ZNF483: variants seen among roughly 807,000 people sequenced by gnomAD.
ZNF483 encodes the protein zinc finger protein 483, also known as zinc finger protein HIT-10.
ZNF483 carries 9 observed loss-of-function variants against 28.6 expected under a neutral mutation model. The ratio of observed to expected loss-of-function variants is 0.32; its 90% CI spans 0.19 to 0.55. The LOEUF is 0.55. Among genes scored for constraint, ZNF483 ranks in the 20% least tolerant of loss-of-function variants. ZNF483 has a pLI of 0.93. For synonymous variants in ZNF483, 322 were observed against 306.2 expected, an observed-to-expected ratio of 1.05 and a Z score of -0.54; for missense variants, 675 against 871.7, an observed-to-expected ratio of 0.77 and a Z score of 2.84.
In ZNF483 at chr9:111,541,879, C is replaced by T. The variant is rs748174222; in HGVS notation, c.944C>T (p.Ser315Leu). The T allele has an allele frequency of 2.5e-6, 4 of 1,613,800 alleles. No individual in the cohort carries two copies. The Admixed American group carries it at 6.7e-5, about 27-fold the overall frequency. ...SPFGHNFKET[S>L]DLIKHLRVYL... ...TTTGGACATAATTTCAAAGAAACTT[C>T]AGACTTAATTAAACATCTGAGAGTC... is the stretch of plus-strand genomic sequence containing the variant. Residue 315 changes from serine (S) to leucine (L), a missense_variant, in exon 6 of 6, where the codon TCA becomes TTA. By Grantham distance (145) the Ser-to-Leu change is moderately radical. This residue lies in a region of ZNF483 where 525 missense variants were observed against 581.8 expected (regional missense o/e 0.90). Transcript: ENST00000309235.
In ZNF483 at chr9:111,541,930, A is replaced by T. The variant is rs1374013096; in HGVS notation, c.995A>T (p.Tyr332Phe). 2.5e-6 allele frequency: 4 copies of T among 1,614,058 alleles called. No homozygotes were observed. Among genetic ancestry groups the T allele is most frequent in the Non-Finnish European group, 3.4e-6 (4 of 1,180,042 alleles). Residue 332 changes from tyrosine (Y) to phenylalanine (F), a missense_variant, in exon 6 of 6, where the codon TAT (tyrosine) becomes TTT (phenylalanine). Coordinates refer to ENST00000309235, the MANE Select transcript of ZNF483 (RefSeq NM_133464.5). ...TACTTGAGGAAGAAATCTCGGAGGT[A>T]TAATGAAAGCAAGAAACCCTTCAGT... ...RVYLRKKSRR[Y>F]NESKKPFSFH...
At chr9:111,562,115 A>C (rs533293613) in intron 5 of ZNF483, among the ~76,000 whole-genome samples, 1 of 151,974 alleles carries the variant, frequency 6.6e-6, no homozygotes, top group East Asian at 1.9e-4. Flanking sequence ...TGAACTCCTG[A>C]CCTCGCCTCC....
chr9:111,525,905 G>A (rs1589263877), intron 1 of ZNF483, among the ~76,000 whole-genome samples: 1 of 152,154 alleles, frequency 6.6e-6, no homozygotes, highest in African/African-American at 2.4e-5. Flanking sequence ...TGCAATGCGA[G>A]GCTGTCACAT....
rs550842995 is a variant in ZNF483, at chr9:111,549,673, T to C, written c.*6503T>C. The C allele has an allele frequency of 8.7e-6, 13 of 1,502,110 alleles. No individual in the cohort carries two copies. The South Asian group carries it at 1.4e-4, about 16-fold the overall frequency. 93.0% of individuals were successfully genotyped at this position (1,502,110 alleles called of 1,614,324 possible). On this transcript the variant is annotated 3_prime_UTR_variant, in exon 6 of 6. Coordinates refer to ENST00000309235, the MANE Select transcript of ZNF483 (RefSeq NM_133464.5). Reference sequence around the variant, plus strand: ...TGGCAGCGGCAGCAGGGTTCCCCATTGATTTTCTAAATGTTTGTAGTCCTT... The same window carrying C: ...TGGCAGCGGCAGCAGGGTTCCCCATCGATTTTCTAAATGTTTGTAGTCCTT...
At chr9:111,535,797 G>A (rs1323527090) in intron 5 of ZNF483, among the ~76,000 whole-genome samples, 3 of 151,904 alleles carry the variant, frequency 2.0e-5, no homozygotes, top group Non-Finnish European at 2.9e-5. Flanking sequence ...TTCCTACCTC[G>A]GCTTCCCGAA....
rs375221784 is a variant in ZNF483 at position 111,532,024 on chromosome 9, C to G, written c.501+1061C>G. ...AAATCTTAACATGATAAAGAACATC[C>G]TTGGCTGGGTACAGTGGATCATGCC... is the stretch of plus-strand genomic sequence containing the variant. On this transcript the variant is annotated intron_variant, in intron 3 of 5. Coordinates refer to ENST00000309235, the MANE Select transcript of ZNF483 (RefSeq NM_133464.5). 4.1e-3 allele frequency among the ~76,000 whole-genome samples: 629 copies of G among 152,276 alleles called. 4 individuals are homozygous for G. The highest frequency in any genetic ancestry group is 3.9e-3 in the South Asian group (19 of 4,824).
chr9:111,549,891 A>G lies in ZNF483; in HGVS notation c.*6721A>G. The stretch of plus-strand genomic sequence containing the variant: ...AGTGAGTCAATGTTTGGTCTTCCTC[A>G]TGTCCATTTTTTGTTGGTTTATTTT... On this transcript the variant is annotated 3_prime_UTR_variant, in exon 6 of 6. Coordinates refer to ENST00000309235, the MANE Select transcript of ZNF483 (RefSeq NM_133464.5). 1.3e-6 allele frequency: 1 copy of G among 774,420 alleles called. No individual in the cohort carries two copies. The allele number at this position is 774,420 out of a possible 1,614,324, so 48.0% of individuals were successfully genotyped here. A position where few individuals can be genotyped will look rare whatever the true frequency, so the allele number is the denominator to read the frequency against.
chr9:111,551,714 T>C lies in ZNF483; in HGVS notation c.*8544T>C, dbSNP rs960441554. Among the ~76,000 whole-genome samples, 1 of 152,198 alleles carries C rather than the reference T, an allele frequency of 6.6e-6. No individual in the cohort carries two copies. The highest frequency in any genetic ancestry group is 2.4e-5 in the African/African-American group (1 of 41,444). On this transcript the variant is annotated 3_prime_UTR_variant, in exon 6 of 6. Transcript: ENST00000309235. ...GCCACACACAACCCCAATTTTTGTT[T>C]AAAATTTGCATCCACATTAACAAAA...
Position 111,527,543 on chromosome 9 carries a change from T to C in ZNF483, c.148T>C (p.Ser50Pro). ...ILRGNAADAE[S>P]FRQRFRWFCY... ...AAGAGGAAATGCTGCTGATGCAGAG[T>C]CTTTCAGACAGAGGTTTAGGTGGTT... The change falls in exon 2 of 6, where the codon TCT becomes CCT. Residue 50 changes from serine to proline, a missense_variant. Around this residue, in one of 6 missense-constraint regions of ZNF483, gnomAD observed 525 missense variants for 581.8 expected, o/e 0.90. Coordinates refer to ENST00000309235, the MANE Select transcript of ZNF483 (RefSeq NM_133464.5). 1 of 1,613,936 alleles carries C rather than the reference T, an allele frequency of 6.2e-7. No individual in the cohort carries two copies. Among genetic ancestry groups the C allele is most frequent in the Non-Finnish European group, 8.5e-7 (1 of 1,179,986 alleles).
At position 111,553,899 on chromosome 9, in the gene ZNF483, G is replaced by A. The variant is rs1828043130; in HGVS notation, c.*10729G>A. Among the ~76,000 whole-genome samples, 1 of 152,106 alleles carries A rather than the reference G, an allele frequency of 6.6e-6. No homozygotes were observed. Among genetic ancestry groups the A allele is most frequent in the African/African-American group, 2.4e-5 (1 of 41,402 alleles). ...ACTGAATGAAAGTTTATTCCCCAGG[G>A]GTCTTTCCAGCATTTTGTTGCTTTC... is the stretch of plus-strand genomic sequence containing the variant. On this transcript the variant is annotated 3_prime_UTR_variant, in exon 6 of 6. Coordinates refer to ENST00000309235, the MANE Select transcript of ZNF483 (RefSeq NM_133464.5).
At chr9:111,558,341 A>G (rs1828183159), downstream of ZNF483, among the ~76,000 whole-genome samples, 1 of 152,148 alleles carries the variant, frequency 6.6e-6, no homozygotes. Context: ...TGTTCTTTCA[A>G]CATGACTTCA....
chr9:111,571,304 C>T lies in ZNF483; in HGVS notation c.722-5061C>T, dbSNP rs1316348080. On this transcript the variant is annotated intron_variant, in intron 5 of 5. Transcript: ENST00000358151. Reference sequence around the variant, plus strand: ...GCACATGCCTGTAATCCCAGCTACTCAGGAGGCTGAGGCAGGAGAATCGCT... The same window carrying T: ...GCACATGCCTGTAATCCCAGCTACTTAGGAGGCTGAGGCAGGAGAATCGCT... Among the ~76,000 whole-genome samples the T allele has an allele frequency of 2.0e-5, 3 of 149,296 alleles. 1 individual carries two copies. In the Admixed American group the frequency reaches 2.0e-4, roughly 10 times the overall value.
intron 2 of ZNF483, among the ~76,000 whole-genome samples, chr9:111,529,148 A>AAAAAAG (rs34544684): frequency 3.3e-5 from 5 of 149,530 alleles, no homozygotes; most frequent in African/African-American, 7.4e-5. Context: ...AAAAAAAAAA[A>AAAAAAG]GATTGATTTC....
intron 3 of ZNF483, among the ~76,000 whole-genome samples, chr9:111,531,274 C>T (rs925165966): frequency 2.0e-5 from 3 of 152,174 alleles, no homozygotes; most frequent in African/African-American, 4.8e-5. Context: ...TGTTTCAGTT[C>T]ACAGAATGCC....
At chr9:111,534,817 G>A (rs530687732) in intron 5 of ZNF483, among the ~76,000 whole-genome samples, 5 of 140,108 alleles carry the variant, frequency 3.6e-5, no homozygotes, top group South Asian at 2.3e-4. Context: ...TCCGCCTCCC[G>A]GGTTCAAGTG....
rs1438015473 is a variant in ZNF483 at position 111,552,556 on chromosome 9, C to G, written c.*9386C>G. Among the ~76,000 whole-genome samples the G allele has an allele frequency of 6.6e-6, 1 of 152,166 alleles. No individual in the cohort carries two copies. Among genetic ancestry groups the G allele is most frequent in the East Asian group, 1.9e-4 (1 of 5,198 alleles). Reference sequence around the variant, plus strand: ...TAGAAACTAACTTTTCTGTCTCTAACTGAAATTCTTTGACAGATGGAAGAT... The same window carrying G: ...TAGAAACTAACTTTTCTGTCTCTAAGTGAAATTCTTTGACAGATGGAAGAT... On this transcript the variant is annotated 3_prime_UTR_variant, in exon 6 of 6. Coordinates refer to ENST00000309235, the MANE Select transcript of ZNF483 (RefSeq NM_133464.5).
At chr9:111,568,078 A>G (rs1033614269) in intron 5 of ZNF483, among the ~76,000 whole-genome samples, 3 of 152,228 alleles carry the variant, frequency 2.0e-5, no homozygotes, top group African/African-American at 7.2e-5. Flanking sequence ...TGCATCTTGA[A>G]AAAGAACAGA....
At position 111,553,313 on chromosome 9, in the gene ZNF483, C is replaced by G. The variant is rs1828026366; in HGVS notation, c.*10143C>G. On this transcript the variant is annotated 3_prime_UTR_variant, in exon 6 of 6. Transcript: ENST00000309235. ...ACTATGCCAGTTGTAGTACCAGCTT[C>G]TGTATCTGCACTGAATTCTGCCTCA... Among the ~76,000 whole-genome samples the G allele has an allele frequency of 6.6e-6, 1 of 152,180 alleles. No individual in the cohort carries two copies. The highest frequency in any genetic ancestry group is 1.5e-5 in the Non-Finnish European group (1 of 68,032).
rs1396225221 is a variant in ZNF483 at position 111,546,944 on chromosome 9, C to A, written c.*3774C>A. ...ATGAATGGAATCATACAATATTTGCCCTGTTGTGTTTGGCTTATTCCACTT... is the reference window on the plus strand; with the variant it reads ...ATGAATGGAATCATACAATATTTGCACTGTTGTGTTTGGCTTATTCCACTT... On this transcript the variant is annotated 3_prime_UTR_variant, in exon 6 of 6. Transcript: ENST00000309235. Among the ~76,000 whole-genome samples, 1 of 152,092 alleles carries A rather than the reference C, an allele frequency of 6.6e-6. No individual in the cohort carries two copies. The highest frequency in any genetic ancestry group is 2.4e-5 in the African/African-American group (1 of 41,428).
Sources: allele counts gnomAD v4.1 joint callset (sites outside exome capture counted in the v4.1 genomes callset), GRCh38; gene constraint gnomAD v4.1.1; regional missense constraint gnomAD v4.1.1; transcripts MANE v1.5; gene names NCBI Gene and HGNC (gene_info 2026-07-23, HGNC 2026-07-21).